Variants in ITGB3 observed in about 807,000 individuals in gnomAD.
ITGB3 encodes the protein integrin subunit beta 3.
Under a neutral mutation model 85.8 loss-of-function variants are expected in ITGB3, and 48 were observed. The observed-to-expected ratio is 0.56, with a 90% confidence interval of 0.44 to 0.71. The LOEUF (loss-of-function observed/expected upper bound fraction) is 0.71. Among genes scored for constraint, ITGB3 ranks in the 30% least tolerant of loss-of-function variants. The pLI is 0.00. For missense variants in ITGB3, 861 were observed against 1,019.1 expected (o/e 0.84, Z 2.11); for synonymous variants, 363 against 395.6 (o/e 0.92, Z 0.98).
At chr17:47,285,986 A>G (rs1054268922) in intron 4 of ITGB3, among the ~76,000 whole-genome samples, 31 of 152,198 alleles carry the variant, frequency 2.0e-4, no homozygotes, top group Non-Finnish European at 2.9e-5. Flanking sequence ...CAAAGGTCCC[A>G]TGACTAGTAC....
chr17:47,263,851 C>T lies in ITGB3; in HGVS notation c.79+9911C>T, dbSNP rs190966412. 2.6e-5 allele frequency among the ~76,000 whole-genome samples: 4 copies of T among 152,290 alleles called. No homozygotes were observed. The East Asian group carries it at 5.8e-4, about 22-fold the overall frequency. ...GAAAGGATATGGCCAGTGGTCAAGA[C>T]ATTTGAACTTTGTGTACAGGGAATC... On this transcript the variant is annotated intron_variant, in intron 1 of 14. Coordinates refer to ENST00000559488, the MANE Select transcript of ITGB3 (RefSeq NM_000212.3).
intron 1 of ITGB3, among the ~76,000 whole-genome samples, chr17:47,271,898 C>T (rs1182406326): frequency 1.3e-5 from 2 of 151,196 alleles, no homozygotes; most frequent in South Asian, 2.1e-4. Context: ...GGATCACAGG[C>T]GCCCACCCCA....
At position 47,253,843 on chromosome 17, in the gene ITGB3, G is replaced by C; in HGVS notation, c.-19G>C. ...GCGCCCACTGTGGGGCGGGCGGAGC[G>C]CCGCGGGAGGCGGACGAGATGCGAG... On this transcript the variant is annotated 5_prime_UTR_variant, in exon 1 of 15. Coordinates refer to ENST00000559488, the MANE Select transcript of ITGB3 (RefSeq NM_000212.3). The C allele has an allele frequency of 8.3e-7, 1 of 1,204,198 alleles. No individual in the cohort carries two copies. The highest frequency in any genetic ancestry group is 1.0e-6 in the Non-Finnish European group (1 of 969,636). The allele number at this position is 1,204,198 out of a possible 1,614,324, so 74.6% of individuals were successfully genotyped here.
chr17:47,258,858 C>G (rs1044740417), intron 1 of ITGB3, among the ~76,000 whole-genome samples: 11 of 152,202 alleles, frequency 7.2e-5, no homozygotes, highest in African/African-American at 2.4e-4. Context: ...TAAATGAAAG[C>G]ATGCAGTGTA....
chr17:47,307,569 A>G lies in ITGB3; in HGVS notation c.2233A>G (p.Ile745Val). The change falls in exon 14 of 15, where the codon ATC (isoleucine) becomes GTC (valine). Residue 745 changes from isoleucine to valine, a missense_variant. Coordinates refer to ENST00000559488, the MANE Select transcript of ITGB3 (RefSeq NM_000212.3). Reference protein sequence around the residue: ...LAALLIWKLLITIHDRKEFAK... With the variant: ...LAALLIWKLLVTIHDRKEFAK... ...CGCCCTGCTCATCTGGAAACTCCTCATCACCATCCACGACCGAAAAGAATT... is the reference window on the plus strand; with the variant it reads ...CGCCCTGCTCATCTGGAAACTCCTCGTCACCATCCACGACCGAAAAGAATT... The G allele has an allele frequency of 6.2e-7, 1 of 1,614,150 alleles. No individual in the cohort carries two copies. The highest frequency in any genetic ancestry group is 8.5e-7 in the Non-Finnish European group (1 of 1,180,028).
chr17:47,275,304 T>G (rs923704220), intron 2 of ITGB3, among the ~76,000 whole-genome samples: 3 of 151,832 alleles, frequency 2.0e-5, no homozygotes, highest in African/African-American at 7.3e-5. Flanking sequence ...GCAGAGGGTT[T>G]GTTGTGTCTG....
intron 10 of ITGB3, among the ~76,000 whole-genome samples, chr17:47,296,687 AC>A (rs2065147331): frequency 6.6e-6 from 1 of 152,214 alleles, no homozygotes; most frequent in South Asian, 2.1e-4. Context: ...GAAAGGTGCT[AC>A]TGATGTCTAG....
intron 1 of ITGB3, among the ~76,000 whole-genome samples, chr17:47,266,817 A>G (rs1401805797): frequency 1.3e-5 from 2 of 152,140 alleles, no homozygotes; most frequent in African/African-American, 4.8e-5. Context: ...ACTGGGCTCA[A>G]GCAATCCTCC....
At chr17:47,268,370 T>C (rs12941431) in intron 1 of ITGB3, among the ~76,000 whole-genome samples, 40,751 of 152,048 alleles carry the variant, frequency 0.27, 5,773 homozygotes, top group African/African-American at 0.34. Flanking sequence ...TCCAAAGTCT[T>C]ATCTGAGACA....
chr17:47,284,826 G>C (rs185703005), intron 4 of ITGB3, 131 bp downstream of exon 4: 84 of 1,278,622 alleles, frequency 6.6e-5, no homozygotes, highest in Middle Eastern at 2.5e-4. Flanking sequence ...TTTCTACCTT[G>C]GTCTCCCTGT....
chr17:47,310,366 G>C lies in ITGB3; in HGVS notation c.*162G>C. On this transcript the variant is annotated 3_prime_UTR_variant, in exon 15 of 15. Coordinates refer to ENST00000559488, the MANE Select transcript of ITGB3 (RefSeq NM_000212.3). ...TGTGGAAGTGTGGGTCTGTGTGTGTGTATGTGGGGGTCTGTGTGTTTATGT... is the reference window on the plus strand; with the variant it reads ...TGTGGAAGTGTGGGTCTGTGTGTGTCTATGTGGGGGTCTGTGTGTTTATGT... 1.4e-6 allele frequency: 1 copy of C among 708,076 alleles called. No homozygotes were observed. The highest frequency in any genetic ancestry group is 1.5e-5 in the South Asian group (1 of 66,526). The allele number at this position is 708,076 out of a possible 1,614,324, so 43.9% of individuals were successfully genotyped here. A position where few individuals can be genotyped will look rare whatever the true frequency, so the allele number is the denominator to read the frequency against.
At chr17:47,288,760 A>G (rs1390476102) in intron 6 of ITGB3, among the ~76,000 whole-genome samples, 1 of 152,214 alleles carries the variant, frequency 6.6e-6, no homozygotes, top group African/African-American at 2.4e-5. Flanking sequence ...CCAGGGGCTG[A>G]GGGAGGTAAC....
rs556238927 is a variant in ITGB3 at position 47,300,490 on chromosome 17, G to A, written c.1926G>A (p.Glu642=). The A allele has an allele frequency of 6.2e-7, 1 of 1,613,660 alleles. No homozygotes were observed. Among genetic ancestry groups the A allele is most frequent in the Admixed American group, 1.7e-5 (1 of 60,026 alleles). ...CTCTCTCCTTCAGAGAATGTGTGGAGTGTAAGAAGTTTGACCGGGGAGCCC... is the reference window on the plus strand; with the variant it reads ...CTCTCTCCTTCAGAGAATGTGTGGAATGTAAGAAGTTTGACCGGGGAGCCC... ...DACTFKKECV[E]CKKFDRGALH... Residue 642 remains glutamate, a synonymous_variant, in exon 12 of 15, where the codon GAG becomes GAA. Transcript: ENST00000559488.
Position 47,311,790 on chromosome 17 carries a change from AAGAC to A in ITGB3, c.*1587_*1590del, listed in dbSNP as rs1370281173. Reference sequence around the variant, plus strand: ...CCCCCAAATGCCCAAGAAAAAAAGAAAGACTTATCAACATTTGTTCCATGAGCAG... The same window carrying A: ...CCCCCAAATGCCCAAGAAAAAAAGAATTATCAACATTTGTTCCATGAGCAG... On this transcript the variant is annotated 3_prime_UTR_variant, in exon 15 of 15. Transcript: ENST00000559488. 1 of 152,258 alleles carries A rather than the reference AAGAC, an allele frequency of 6.6e-6. No individual in the cohort carries two copies. The allele number at this position is 152,258 out of a possible 1,614,324, so 9.4% of individuals were successfully genotyped here.
rs1159096750 is a variant in ITGB3 at position 47,313,351 on chromosome 17, T to TC, written c.*3147_*3148insC. ...TTCCTGGTTGAAATTTCTTTTCTTT[T>TC]TTTTTTTTTTTTTGAGACAGAGTCT... On this transcript the variant is annotated 3_prime_UTR_variant, in exon 15 of 15. Coordinates refer to ENST00000559488, the MANE Select transcript of ITGB3 (RefSeq NM_000212.3). 5.4e-5 allele frequency among the ~76,000 whole-genome samples: 8 copies of TC among 148,684 alleles called. No homozygotes were observed. The highest frequency in any genetic ancestry group is 2.0e-4 in the East Asian group (1 of 5,122).
intron 9 of ITGB3, 44 bp downstream of exon 9, chr17:47,291,132 G>T: frequency 6.2e-7 from 1 of 1,612,704 alleles, no homozygotes; most frequent in Admixed American, 1.7e-5. Flanking sequence ...GCATCTGTGG[G>T]CACCCAACCC....
At chr17:47,262,362 C>T (rs2065011464) in intron 1 of ITGB3, among the ~76,000 whole-genome samples, 1 of 152,224 alleles carries the variant, frequency 6.6e-6, no homozygotes, top group African/African-American at 2.4e-5. Context: ...CTTCTGTATA[C>T]TGAATGAGGT....
At chr17:47,270,637 T>C (rs2065041004) in intron 1 of ITGB3, among the ~76,000 whole-genome samples, 2 of 152,224 alleles carry the variant, frequency 1.3e-5, no homozygotes, top group Middle Eastern at 3.2e-3. Flanking sequence ...TTGGAACCAA[T>C]GTCATCATTC....
intron 1 of ITGB3, 27 bp from the exon 2 acceptor site, chr17:47,274,392 G>T (rs1274262998): frequency 6.2e-7 from 1 of 1,606,830 alleles, no homozygotes. Flanking sequence ...CAAATCTGGT[G>T]CTAATGCCTT....
Sources: allele counts gnomAD v4.1 joint callset (sites outside exome capture counted in the v4.1 genomes callset), GRCh38; gene constraint gnomAD v4.1.1; transcripts MANE v1.5; gene names NCBI Gene and HGNC (gene_info 2026-07-23, HGNC 2026-07-21).